FAM178B: variants seen among roughly 807,000 people sequenced by gnomAD.
FAM178B encodes family with sequence similarity 178 member B, also known as protein FAM178B.
FAM178B carries 82 observed loss-of-function variants against 91.7 expected under a neutral mutation model. The observed-to-expected ratio is 0.89, with a 90% CI of 0.75 to 1.07. The LOEUF (loss-of-function observed/expected upper bound fraction) is 1.07, where lower values mean the gene tolerates loss of function less well. FAM178B is among the 50% of genes least tolerant of loss of function. The pLI is 0.00. For missense variants in FAM178B, 769 were observed against 846.7 expected (o/e 0.91, Z 1.14); for synonymous variants, 368 against 359.4 (o/e 1.02, Z -0.27).
intron 1 of FAM178B, among the ~76,000 whole-genome samples, chr2:96,982,905 GTC>G (rs1343126048): frequency 1.3e-5 from 2 of 150,894 alleles, no homozygotes; most frequent in Admixed American, 1.3e-4. Flanking sequence ...TAGAGATATA[GTC>G]TCTCTCTGTC....
intron 16 of FAM178B, 39 bp downstream of exon 16, chr2:96,877,851 C>T (rs1001772488): frequency 1.3e-6 from 2 of 1,597,562 alleles, no homozygotes; most frequent in East Asian, 2.2e-5. Context: ...CTGACCACTT[C>T]CCGCCCCTCC....
At position 96,923,642 on chromosome 2, in the gene FAM178B, G is replaced by A. The variant is rs1204948778; in HGVS notation, c.1194-59C>T. On this transcript the variant is annotated intron_variant, in intron 9 of 16. Coordinates refer to ENST00000490605, the MANE Select transcript of FAM178B (RefSeq NM_001122646.3). Reference sequence around the variant, plus strand: ...CCCAGGAGGGGGCACAGGGGCAGGAGTGAGGCGCAAAGTGGGACACTGCTG... The same window carrying A: ...CCCAGGAGGGGGCACAGGGGCAGGAATGAGGCGCAAAGTGGGACACTGCTG... 5 of 1,339,128 alleles carry A rather than the reference G, an allele frequency of 3.7e-6. No homozygotes were observed. The African/African-American group carries it at 5.8e-5, about 16-fold the overall frequency. The allele number at this position is 1,339,128 out of a possible 1,614,324, so 83.0% of individuals were successfully genotyped here.
Position 96,967,631 on chromosome 2 carries a change from T to A in FAM178B, c.627-4A>T. On this transcript the variant is annotated splice_polypyrimidine_tract_variant and splice_region_variant and intron_variant, in intron 4 of 16. Transcript: ENST00000490605. The stretch of plus-strand genomic sequence containing the variant: ...CTCCTGCTCCAGGGCCTGTTCCCTA[T>A]AGGAAGTCGAGGGCCAGAGCCGGGG... 6.5e-7 allele frequency: 1 copy of A among 1,544,884 alleles called. No individual in the cohort carries two copies. Among genetic ancestry groups the A allele is most frequent in the Non-Finnish European group, 8.7e-7 (1 of 1,143,418 alleles).
At chr2:96,920,823 T>G (rs1053330416) in intron 12 of FAM178B, among the ~76,000 whole-genome samples, 17 of 150,702 alleles carry the variant, frequency 1.1e-4, no homozygotes, top group Non-Finnish European at 2.1e-4. Context: ...AGTGTGCGAG[T>G]GGGAGTCGGG....
intron 9 of FAM178B, among the ~76,000 whole-genome samples, chr2:96,928,059 T>C (rs2081475669): frequency 6.6e-6 from 1 of 152,168 alleles, no homozygotes; most frequent in African/African-American, 2.4e-5. Flanking sequence ...ATAGCAGAGC[T>C]GAGTGTGGTT....
At chr2:96,923,858 G>T (rs1266560214) in intron 9 of FAM178B, among the ~76,000 whole-genome samples, 1 of 152,234 alleles carries the variant, frequency 6.6e-6, no homozygotes, top group Admixed American at 6.5e-5. Context: ...CTGCCTCCCG[G>T]CTCACTCACC....
At position 96,972,076 on chromosome 2, in the gene FAM178B, G is replaced by A. The variant is rs1574319267; in HGVS notation, c.389C>T (p.Pro130Leu). The change falls in exon 3 of 17, where the codon CCG becomes CTG. Residue 130 changes from proline to leucine, a missense_variant. By Grantham distance (98) the Pro-to-Leu change is moderately conservative (BLOSUM62 -3). Coordinates refer to ENST00000490605, the MANE Select transcript of FAM178B (RefSeq NM_001122646.3). Reference protein sequence around the residue: ...PRVLQASREAPAQRWVGVVGP... With the variant: ...PRVLQASREALAQRWVGVVGP... ...CACCACACCCACCCACCTCTGGGCC[G>A]GGGCCTCCCGACTGGCCTGCAGCAC... 8.5e-6 allele frequency: 13 copies of A among 1,538,358 alleles called. No homozygotes were observed. Among genetic ancestry groups the A allele is most frequent in the Middle Eastern group, 3.4e-4 (2 of 5,900 alleles).
Position 96,877,938 on chromosome 2 carries a change from G to C in FAM178B, c.1959C>G (p.Thr653=). 6.2e-7 allele frequency: 1 copy of C among 1,613,844 alleles called. No homozygotes were observed. Among genetic ancestry groups the C allele is most frequent in the Non-Finnish European group, 8.5e-7 (1 of 1,180,032 alleles). ...GCTCCTGCCAACGGATGTAGGTCTG[G>C]GTAGCCAGGTCCTTGAGCATGGTGC... ...MHRTMLKDLA[T]QTYIRWQELL... is the part of the protein sequence containing the mutation. Residue 653 remains threonine, a synonymous_variant, in exon 16 of 17, where the codon ACC becomes ACG. Transcript: ENST00000490605.
intron 1 of FAM178B, among the ~76,000 whole-genome samples, chr2:96,976,749 GA>G (rs1444077349): frequency 6.6e-6 from 1 of 152,094 alleles, no homozygotes; most frequent in African/African-American, 2.4e-5. Context: ...TCAGGAGGCT[GA>G]GGCAGGAGAA....
chr2:96,929,355 G>A (rs1251393619), intron 8 of FAM178B, 35 bp from the exon 9 acceptor site: 3 of 1,449,030 alleles, frequency 2.1e-6, no homozygotes, highest in African/African-American at 2.8e-5. Flanking sequence ...AGTTAGAATG[G>A]GGAACGGAGG....
intron 1 of FAM178B, among the ~76,000 whole-genome samples, chr2:96,973,789 T>A (rs2082254497): frequency 6.7e-6 from 1 of 149,906 alleles, no homozygotes; most frequent in Non-Finnish European, 1.5e-5. Flanking sequence ...TCATCTGAGG[T>A]CAGAGTTCGA....
chr2:96,927,966 C>T (rs1275306774), intron 9 of FAM178B, among the ~76,000 whole-genome samples: 2 of 152,238 alleles, frequency 1.3e-5, no homozygotes, highest in Non-Finnish European at 2.9e-5. Context: ...AGGCAAGTGG[C>T]TCATTACACC....
intron 1 of FAM178B, among the ~76,000 whole-genome samples, chr2:96,979,225 TCAGCCTCCCAAAGTG>T (rs937068644): frequency 1.7e-4 from 25 of 150,730 alleles, no homozygotes; most frequent in African/African-American, 6.1e-4. Flanking sequence ...TCTGCCTGCC[TCAGCCTCCCAAAGTG>T]CTGGGATTAC....
At chr2:96,894,742 C>A (rs1230060122) in intron 13 of FAM178B, among the ~76,000 whole-genome samples, 3 of 85,026 alleles carry the variant, frequency 3.5e-5, no homozygotes. Flanking sequence ...TACACACCCA[C>A]TCACCCCCCC....
intron 7 of FAM178B, among the ~76,000 whole-genome samples, chr2:96,950,807 A>T (rs866495406): frequency 3.9e-5 from 6 of 152,198 alleles, no homozygotes; most frequent in Non-Finnish European, 5.9e-5. Flanking sequence ...CAGCCGTTCC[A>T]GGTTTTCCCA....
chr2:96,895,538 C>T (rs1188715811), intron 13 of FAM178B, among the ~76,000 whole-genome samples: 1 of 152,222 alleles, frequency 6.6e-6, no homozygotes, highest in Non-Finnish European at 1.5e-5. Flanking sequence ...GCACTTGATT[C>T]GGGTAGCCTG....
chr2:96,978,924 C>T (rs1356672501), intron 1 of FAM178B, among the ~76,000 whole-genome samples: 3 of 149,418 alleles, frequency 2.0e-5, no homozygotes, highest in East Asian at 2.0e-4. Flanking sequence ...TGCACCCGGC[C>T]GATTTCATTC....
chr2:96,881,897 G>A (rs1327743277), intron 14 of FAM178B, among the ~76,000 whole-genome samples: 4 of 152,110 alleles, frequency 2.6e-5, no homozygotes, highest in African/African-American at 9.7e-5. Context: ...CCTGGAGGCT[G>A]GGTGGCTGGG....
intron 8 of FAM178B, 131 bp from the exon 9 acceptor site, chr2:96,929,451 GTTA>G (rs2081503913): frequency 4.5e-6 from 3 of 661,810 alleles, no homozygotes; most frequent in Non-Finnish European, 5.4e-6. Flanking sequence ...CACCACAGGT[GTTA>G]TCTGGGGAAA....
Sources: gnomAD v4.1 joint callset for allele counts (sites outside exome capture counted in the v4.1 genomes callset) on GRCh38, gnomAD v4.1.1 for gene constraint, MANE v1.5 for transcripts, NCBI Gene and HGNC (gene_info 2026-07-23, HGNC 2026-07-21) for gene names.